PDE4D: variants seen among roughly 807,000 people sequenced by gnomAD.
The protein encoded by PDE4D is phosphodiesterase 4D.
PDE4D carries 24 observed loss-of-function variants against 87.4 expected under a neutral mutation model. The observed-to-expected ratio is 0.27, with a 90% CI of 0.20 to 0.39. The LOEUF (loss-of-function observed/expected upper bound fraction) is 0.39. Ranked by LOEUF, PDE4D falls within the 10% of genes least tolerant of loss-of-function variation. The pLI is 1.00. For missense variants in PDE4D, 714 were observed against 1,041.0 expected (o/e 0.69, Z 4.32); for synonymous variants, 384 against 383.2 (o/e 1.00, Z -0.02).
At chr5:59,096,096 G>T (rs1769654921) in intron 5 of PDE4D, among the ~76,000 whole-genome samples, 1 of 152,136 alleles carries the variant, frequency 6.6e-6, no homozygotes, top group Non-Finnish European at 1.5e-5. Flanking sequence ...GGGAGTTAGT[G>T]GTAGGGGCAC....
intron 3 of PDE4D, among the ~76,000 whole-genome samples, chr5:59,973,745 A>G (rs1761025839): frequency 6.6e-6 from 1 of 152,158 alleles, no homozygotes; most frequent in East Asian, 1.9e-4. Context: ...ACTGAGTTTA[A>G]TTAAAACCCT....
chr5:60,308,136 T>C (rs538240668), intron 1 of PDE4D, among the ~76,000 whole-genome samples: 102 of 152,320 alleles, frequency 6.7e-4, no homozygotes, highest in African/African-American at 2.3e-3. Context: ...CTATTCTATT[T>C]ATACAGAAGA....
chr5:59,430,504 A>G, intron 1 of PDE4D: 8 of 1,074,798 alleles, frequency 7.4e-6, no homozygotes, highest in Non-Finnish European at 9.5e-6. Context: ...GTCAGATAAT[A>G]GATTTCAGAC....
chr5:59,627,757 G>A (rs953611523), intron 1 of PDE4D, among the ~76,000 whole-genome samples: 1 of 152,164 alleles, frequency 6.6e-6, no homozygotes, highest in Non-Finnish European at 1.5e-5. Flanking sequence ...AGAGATGTTT[G>A]CTAGCCTTTG....
intron 2 of PDE4D, among the ~76,000 whole-genome samples, chr5:60,177,095 T>C (rs1323688839): frequency 1.3e-5 from 2 of 152,172 alleles, no homozygotes; most frequent in African/African-American, 4.8e-5. Context: ...TTTTTCCCAT[T>C]ATGTCCAGGA....
chr5:59,317,311 G>A (rs1303557829), intron 1 of PDE4D, among the ~76,000 whole-genome samples: 3 of 152,138 alleles, frequency 2.0e-5, no homozygotes, highest in Non-Finnish European at 4.4e-5. Context: ...GGAGGCAAAC[G>A]TGTGCCTGTG....
rs547818216 is a variant in PDE4D at position 60,213,634 on chromosome 5, T to A, written c.-89-27947A>T. On this transcript the variant is annotated intron_variant, in intron 1 of 16. Coordinates refer to the PDE4D transcript ENST00000502484. ...CGTTGACAACAGAATAAATTTTTTT[T>A]AAACTTTTTTTATAGTCAATAAGGC... is the stretch of plus-strand genomic sequence containing the variant. Among the ~76,000 whole-genome samples, 16 of 152,324 alleles carry A rather than the reference T, an allele frequency of 1.1e-4. No individual in the cohort carries two copies. The East Asian group carries it at 1.5e-3, about 15-fold the overall frequency.
intron 3 of PDE4D, among the ~76,000 whole-genome samples, chr5:59,950,013 T>A (rs1365771711): frequency 1.3e-5 from 2 of 152,212 alleles, no homozygotes; most frequent in African/African-American, 4.8e-5. Context: ...ACTTCAAACA[T>A]CAGAGTTAAA....
intron 1 of PDE4D, among the ~76,000 whole-genome samples, chr5:59,303,485 T>G (rs1432182275): frequency 6.6e-6 from 1 of 152,090 alleles, no homozygotes; most frequent in Non-Finnish European, 1.5e-5. Flanking sequence ...TCTAGAAGGG[T>G]TTTTCCAAAG....
At chr5:59,244,519 C>A (rs1046452357) in intron 1 of PDE4D, among the ~76,000 whole-genome samples, 1 of 149,662 alleles carries the variant, frequency 6.7e-6, no homozygotes, top group Admixed American at 6.7e-5. Flanking sequence ...AGATGAATAT[C>A]AGGTAGGTCT....
At chr5:59,765,514 T>C (rs1486455339) in intron 1 of PDE4D, among the ~76,000 whole-genome samples, 1 of 152,186 alleles carries the variant, frequency 6.6e-6, no homozygotes, top group Non-Finnish European at 1.5e-5. Flanking sequence ...CCAGCCTCCT[T>C]TGCAGTTAGA....
At chr5:59,298,864 G>C (rs954018928) in intron 1 of PDE4D, among the ~76,000 whole-genome samples, 1 of 152,156 alleles carries the variant, frequency 6.6e-6, no homozygotes, top group African/African-American at 2.4e-5. Context: ...CTGCACATCT[G>C]ATTTTGTGAT....
chr5:59,554,199 A>C (rs903207703), intron 1 of PDE4D, among the ~76,000 whole-genome samples: 1 of 152,164 alleles, frequency 6.6e-6, no homozygotes, highest in Non-Finnish European at 1.5e-5. Flanking sequence ...CCACTGTTTC[A>C]GGTTTGACTC....
intron 1 of PDE4D, among the ~76,000 whole-genome samples, chr5:60,220,640 G>T (rs1231056540): frequency 1.3e-5 from 2 of 152,092 alleles, no homozygotes; most frequent in Non-Finnish European, 2.9e-5. Context: ...GACATGGAAT[G>T]ACTTTGTTTG....
At chr5:59,938,106 G>A (rs762517607) in intron 3 of PDE4D, among the ~76,000 whole-genome samples, 1 of 152,166 alleles carries the variant, frequency 6.6e-6, no homozygotes, top group Non-Finnish European at 1.5e-5. Flanking sequence ...TGTAACATGG[G>A]AGAAAATAGG....
intron 1 of PDE4D, among the ~76,000 whole-genome samples, chr5:59,304,879 T>A (rs1294087410): frequency 6.6e-6 from 1 of 152,140 alleles, no homozygotes; most frequent in East Asian, 1.9e-4. Flanking sequence ...TGTCCTTTCC[T>A]GGTTTTGGTA....
At chr5:60,083,865 T>C (rs144453074) in intron 2 of PDE4D, among the ~76,000 whole-genome samples, 200 of 152,356 alleles carry the variant, frequency 1.3e-3, no homozygotes, top group African/African-American at 4.6e-3. Context: ...GGTTATGGTC[T>C]GGCCTGGTGG....
chr5:59,052,080 C>A (rs968980322), intron 5 of PDE4D, among the ~76,000 whole-genome samples: 5 of 152,158 alleles, frequency 3.3e-5, no homozygotes, highest in Non-Finnish European at 1.5e-5. Flanking sequence ...CAGGAAGGAA[C>A]CATAATAACC....
intron 6 of PDE4D, among the ~76,000 whole-genome samples, chr5:59,026,313 CT>C (rs1756227610): frequency 6.6e-6 from 1 of 152,098 alleles, no homozygotes. Context: ...GTGAGAAATG[CT>C]CAGGATTCCT....
Sources: allele counts gnomAD v4.1 joint callset (sites outside exome capture counted in the v4.1 genomes callset), GRCh38; gene constraint gnomAD v4.1.1; transcripts MANE v1.5; gene names NCBI Gene and HGNC (gene_info 2026-07-23, HGNC 2026-07-21).